Variants in TMEM11 observed in about 807,000 individuals in gnomAD.
TMEM11 encodes transmembrane protein 11, mitochondrial.
TMEM11 carries 1 observed loss-of-function variant against 17.0 expected under a neutral mutation model. The observed-to-expected ratio is 0.06, with a 90% CI of 0.02 to 0.28. TMEM11 has a LOEUF of 0.28. Ranked by LOEUF, TMEM11 falls within the 10% of genes least tolerant of loss-of-function variation. The pLI is 1.00. For missense variants in TMEM11, 172 were observed against 252.9 expected, an observed-to-expected ratio of 0.68 and a Z score of 2.17; for synonymous variants, 122 against 118.1, an observed-to-expected ratio of 1.03 and a Z score of -0.21.
At chr17:21,202,339 G>A (rs1394887507) in intron 1 of TMEM11, among the ~76,000 whole-genome samples, 2 of 152,176 alleles carry the variant, frequency 1.3e-5, no homozygotes, top group Non-Finnish European at 2.9e-5. Context: ...CCTCCCTCAG[G>A]AACACTCAAA....
chr17:21,211,454 C>A (rs1975002390), intron 1 of TMEM11, among the ~76,000 whole-genome samples: 1 of 152,206 alleles, frequency 6.6e-6, no homozygotes, highest in Non-Finnish European at 1.5e-5. Flanking sequence ...CTTCATTTTA[C>A]TTAATTTTAA....
chr17:21,207,584 T>G (rs1328404389), intron 1 of TMEM11, among the ~76,000 whole-genome samples: 1 of 144,308 alleles, frequency 6.9e-6, no homozygotes, highest in Non-Finnish European at 1.5e-5. Flanking sequence ...GTATCAAAGG[T>G]GCTATACATG....
intron 1 of TMEM11, chr17:21,210,992 G>C: frequency 1.6e-6 from 2 of 1,289,718 alleles, no homozygotes; most frequent in Non-Finnish European, 1.0e-6. Context: ...CAGTGAAGCC[G>C]AGCAGCCCAA....
chr17:21,213,975 G>A, intron 1 of TMEM11, 116 bp downstream of exon 1: 1 of 1,033,952 alleles, frequency 9.7e-7, no homozygotes, highest in Non-Finnish European at 1.4e-6. Flanking sequence ...CCCGGCGAGG[G>A]TAGGGGGAGC....
At chr17:21,202,356 G>C (rs17698188) in intron 1 of TMEM11, among the ~76,000 whole-genome samples, 6,491 of 152,298 alleles carry the variant, frequency 0.043, 198 homozygotes, top group Middle Eastern at 0.13. Flanking sequence ...CAAAGCAAAA[G>C]GGAGGTGTCA....
At chr17:21,200,470 C>A (rs1404826767) in intron 1 of TMEM11, among the ~76,000 whole-genome samples, 1 of 152,214 alleles carries the variant, frequency 6.6e-6, no homozygotes, top group African/African-American at 2.4e-5. Flanking sequence ...CAACTCATGG[C>A]TCCCAAGGCT....
rs1974850723 is a variant in TMEM11 at position 21,198,965 on chromosome 17, T to C, written c.63-125A>G. On this transcript the variant is annotated intron_variant, in intron 1 of 1. Transcript: ENST00000317635. The surrounding 1 kb of genome is among the most constrained non-coding windows in gnomAD (Gnocchi z 6.5). ...CTGCACTGCGGAGAGCACATCTCAC[T>C]TGGGTCCTCATCTCCTTTAAATCCC... 2 of 1,016,698 alleles carry C rather than the reference T, an allele frequency of 2.0e-6. No homozygotes were observed. Among genetic ancestry groups the C allele is most frequent in the African/African-American group, 3.2e-5 (2 of 62,096 alleles). The allele number at this position is 1,016,698 out of a possible 1,614,324, so 63.0% of individuals were successfully genotyped here.
chr17:21,198,459 C>T lies in TMEM11; in HGVS notation c.444G>A (p.Leu148=), dbSNP rs746010807. 1.9e-6 allele frequency: 3 copies of T among 1,614,206 alleles called. No individual in the cohort carries two copies. Among genetic ancestry groups the T allele is most frequent in the Non-Finnish European group, 2.5e-6 (3 of 1,180,038 alleles). The change falls in exon 2 of 2, where the codon CTG becomes CTA. Residue 148 remains leucine, a synonymous_variant. Coordinates refer to ENST00000317635, the MANE Select transcript of TMEM11 (RefSeq NM_003876.3). This position sits in a 1 kb window ranked among gnomAD's most constrained non-coding sequence, Gnocchi z 6.5. ...CCGGGGTGGAGGAGGTGAGTGTGTG[C>T]AGAGGCAGGCGCGACAGTTTATAGG... ...YDAYKLSRLP[L]HTLTSSTPVV...
At chr17:21,208,592 G>A (rs554892351) in intron 1 of TMEM11, 1 of 152,452 alleles carries the variant, frequency 6.6e-6, no homozygotes, top group African/African-American at 2.4e-5. Context: ...AGCAAACACT[G>A]GCTAAGCTGC....
chr17:21,214,008 G>A (rs1459222987), intron 1 of TMEM11, 83 bp downstream of exon 1: 1 of 1,311,866 alleles, frequency 7.6e-7, no homozygotes, highest in Non-Finnish European at 1.0e-6. Context: ...GGGAAGGAAG[G>A]CTGCTGCAGC....
intron 1 of TMEM11, chr17:21,213,769 G>A (rs1014021553): frequency 5.9e-6 from 2 of 339,338 alleles, no homozygotes; most frequent in African/African-American, 4.4e-5. Flanking sequence ...TCGGCCCGCG[G>A]GCAGCTAGGC....
chr17:21,204,435 T>TAAAAAAAA (rs71160127), intron 1 of TMEM11, among the ~76,000 whole-genome samples: 30 of 96,688 alleles, frequency 3.1e-4, no homozygotes, highest in African/African-American at 5.3e-4. Flanking sequence ...TCCGTCTCAA[T>TAAAAAAAA]AAAAAAAAAA....
At chr17:21,203,090 G>A (rs920375013) in intron 1 of TMEM11, among the ~76,000 whole-genome samples, 25 of 152,234 alleles carry the variant, frequency 1.6e-4, no homozygotes, top group African/African-American at 6.0e-4. Context: ...TGCTTTTAAA[G>A]CCAGTTAGGC....
intron 1 of TMEM11, among the ~76,000 whole-genome samples, chr17:21,207,278 C>T (rs1974952299): frequency 6.6e-6 from 1 of 151,978 alleles, no homozygotes; most frequent in Admixed American, 6.6e-5. Flanking sequence ...GCCTGTAATC[C>T]CAGCACTTTG....
intron 1 of TMEM11, 183 bp downstream of exon 1, chr17:21,213,908 G>A (rs1975032046): frequency 3.3e-6 from 2 of 613,226 alleles, no homozygotes; most frequent in African/African-American, 1.9e-5. Context: ...CTCCGCCGAG[G>A]CCTTCGACCT....
At position 21,207,548 on chromosome 17, in the gene TMEM11, C is replaced by A. The variant is rs929845101; in HGVS notation, c.62+6543G>T. Among the ~76,000 whole-genome samples the A allele has an allele frequency of 2.0e-5, 3 of 150,270 alleles. 1 individual carries two copies. Among genetic ancestry groups the A allele is most frequent in the Non-Finnish European group, 4.4e-5 (3 of 67,610 alleles). On this transcript the variant is annotated intron_variant, in intron 1 of 1. Transcript: ENST00000317635. Reference sequence around the variant, plus strand: ...GTCTCAATAATATAATTTTAAAAACCCCTAAGGCAAGATATATAAGACAAA... The same window carrying A: ...GTCTCAATAATATAATTTTAAAAACACCTAAGGCAAGATATATAAGACAAA...
chr17:21,204,255 G>A (rs1974917510), intron 1 of TMEM11, among the ~76,000 whole-genome samples: 1 of 151,504 alleles, frequency 6.6e-6, no homozygotes, highest in South Asian at 2.1e-4. Context: ...CTAACACGGT[G>A]AAACCCTGTC....
chr17:21,210,908 G>T, intron 1 of TMEM11: 1 of 1,253,672 alleles, frequency 8.0e-7, no homozygotes, highest in Non-Finnish European at 1.0e-6. Context: ...ATAAAAACAG[G>T]AACTCAAGAG....
intron 1 of TMEM11, among the ~76,000 whole-genome samples, chr17:21,207,165 C>G (rs1369296196): frequency 1.3e-5 from 2 of 152,196 alleles, no homozygotes; most frequent in Admixed American, 1.3e-4. Context: ...GGCCATCATG[C>G]TGTGGCATGT....
Sources: gnomAD v4.1 joint callset for allele counts (sites outside exome capture counted in the v4.1 genomes callset) on GRCh38, gnomAD v4.1.1 for gene constraint, Gnocchi (gnomAD v3.1) non-coding constraint, MANE v1.5 for transcripts, NCBI Gene and HGNC (gene_info 2026-07-23, HGNC 2026-07-21) for gene names.